The following NMBR variants were observed in gnomAD, a reference collection of about 807,000 sequenced individuals.
NMBR encodes neuromedin B receptor.
NMBR carries 16 observed loss-of-function variants against 20.5 expected under a neutral mutation model. The ratio of observed to expected loss-of-function variants is 0.78; its 90% CI spans 0.53 to 1.19. The LOEUF is 1.19. NMBR is among the 50% of genes most tolerant of loss of function. The pLI, the probability that NMBR is intolerant of heterozygous loss-of-function variation, is 0.00. For synonymous variants in NMBR, 212 were observed against 196.6 expected (o/e 1.08, Z -0.65); for missense variants, 582 against 499.1 (o/e 1.17, Z -1.58).
chr6:142,133,019 G>C, intron 1 of NMBR: 1 of 481,282 alleles, frequency 2.1e-6, no homozygotes, highest in African/African-American at 1.9e-5. Context: ...AAAGGAGGAG[G>C]GGAGAGAAAT....
At chr6:142,098,663 TG>T (rs1248461504) in intron 1 of NMBR, among the ~76,000 whole-genome samples, 1 of 152,112 alleles carries the variant, frequency 6.6e-6, no homozygotes, top group Admixed American at 6.6e-5. Context: ...TGAAGAAAAT[TG>T]GAGAACTAAA....
rs1777014479 is a variant in NMBR, at chr6:142,078,815, A to G, written c.511T>C (p.Ser171Pro). ...GCTTCGGGAACTGCCAGCAACACGG[A>G]GACCACCCAGATACCCATGGCCTTC... ...CVKAMGIWVV[S>P]VLLAVPEAVF... The change falls in exon 3 of 4, where the codon TCC (serine) becomes CCC (proline). Residue 171 changes from serine to proline, a missense_variant. Coordinates refer to ENST00000258042, the MANE Select transcript of NMBR (RefSeq NM_002511.4). 2.5e-6 allele frequency: 4 copies of G among 1,613,712 alleles called. No individual in the cohort carries two copies. Among genetic ancestry groups the G allele is most frequent in the Non-Finnish European group, 3.4e-6 (4 of 1,179,970 alleles).
chr6:142,117,442 A>G lies in NMBR; in HGVS notation c.-663-28121T>C, dbSNP rs117951958. On this transcript the variant is annotated intron_variant, in intron 1 of 3. Transcript: ENST00000258042. ...AATAATGGACATTAAATTTTCTTATAAAAGGGAGCAAAGGTGTCTTATAAA... is the reference window on the plus strand; with the variant it reads ...AATAATGGACATTAAATTTTCTTATGAAAGGGAGCAAAGGTGTCTTATAAA... Among the ~76,000 whole-genome samples the G allele has an allele frequency of 9.5e-3, 1,447 of 152,052 alleles. 10 individuals carry two copies. Among genetic ancestry groups the G allele is most frequent in the Non-Finnish European group, 0.016 (1,072 of 67,888 alleles).
intron 2 of NMBR, among the ~76,000 whole-genome samples, chr6:142,084,799 C>A (rs1777168984): frequency 6.6e-6 from 1 of 152,154 alleles, no homozygotes. Flanking sequence ...AAAGAGATAA[C>A]TATAACGCCA....
At chr6:142,091,948 C>G (rs78896667) in intron 1 of NMBR, among the ~76,000 whole-genome samples, 2 of 151,990 alleles carry the variant, frequency 1.3e-5, no homozygotes, top group East Asian at 1.9e-4. Flanking sequence ...AAATTTAAAC[C>G]AATTTTGTAA....
At chr6:142,123,575 T>C (rs1777982495) in intron 1 of NMBR, among the ~76,000 whole-genome samples, 1 of 152,058 alleles carries the variant, frequency 6.6e-6, no homozygotes, top group East Asian at 1.9e-4. Context: ...GTGGCTGACT[T>C]CATTGTCTTA....
intron 2 of NMBR, among the ~76,000 whole-genome samples, chr6:142,084,943 C>T (rs536476626): frequency 6.6e-6 from 1 of 152,180 alleles, no homozygotes; most frequent in Non-Finnish European, 1.5e-5. Flanking sequence ...GTGTTAGAAA[C>T]ATGACAGAAT....
chr6:142,074,980 T>C lies in NMBR; in HGVS notation c.*668A>G. Among the ~76,000 whole-genome samples, 3 of 152,248 alleles carry C rather than the reference T, an allele frequency of 2.0e-5. No individual in the cohort carries two copies. In the South Asian group the frequency reaches 6.2e-4, roughly 32 times the overall value. On this transcript the variant is annotated 3_prime_UTR_variant, in exon 4 of 4. Coordinates refer to ENST00000258042, the MANE Select transcript of NMBR (RefSeq NM_002511.4). Reference sequence around the variant, plus strand: ...TAGAATTACAGATATGAATTATTTCTATAAATTATGATTAATCACAGAATC... The same window carrying C: ...TAGAATTACAGATATGAATTATTTCCATAAATTATGATTAATCACAGAATC...
rs747389224 is a variant in NMBR, at chr6:142,079,086, AAG to A, written c.423-185_423-184del. On this transcript the variant is annotated intron_variant, in intron 2 of 3. Coordinates refer to ENST00000258042, the MANE Select transcript of NMBR (RefSeq NM_002511.4). ...AGAGAGAGAAAGAGAGAAAGAAAGA[AAG>A]AGAGAAAGAGAGAGAGAGAAAGAAA... Among the ~76,000 whole-genome samples, 116 of 112,730 alleles carry A rather than the reference AAG, an allele frequency of 1.0e-3. 1 individual carries two copies. The highest frequency in any genetic ancestry group is 1.6e-3 in the Non-Finnish European group (93 of 57,966). 74.0% of individuals were successfully genotyped at this position (112,730 alleles called of 152,430 possible).
chr6:142,079,000 G>A (rs1777022793), intron 2 of NMBR, 97 bp from the exon 3 acceptor site: 2 of 761,370 alleles, frequency 2.6e-6, no homozygotes, highest in Non-Finnish European at 4.0e-6. Flanking sequence ...AAGGGAGAGA[G>A]AGAGAAAGGA....
intron 2 of NMBR, among the ~76,000 whole-genome samples, chr6:142,083,627 TAGTG>T (rs551519665): frequency 4.1e-4 from 63 of 152,214 alleles, no homozygotes; most frequent in African/African-American, 1.5e-3. Flanking sequence ...GTTCTCATGG[TAGTG>T]AGTGAGTTCT....
At chr6:142,096,674 T>G (rs1022667739) in intron 1 of NMBR, among the ~76,000 whole-genome samples, 54 of 151,892 alleles carry the variant, frequency 3.6e-4, no homozygotes, top group African/African-American at 4.8e-4. Context: ...GAGTTCTGTA[T>G]ATGTCTATTA....
chr6:142,141,622 A>T (rs1387604020), intron 1 of NMBR, among the ~76,000 whole-genome samples: 3 of 150,856 alleles, frequency 2.0e-5, no homozygotes. Context: ...CTCCTGCCTC[A>T]GCCTCCCGAA....
At chr6:142,108,498 G>C (rs1462113553) in intron 1 of NMBR, among the ~76,000 whole-genome samples, 2 of 152,114 alleles carry the variant, frequency 1.3e-5, no homozygotes, top group East Asian at 3.9e-4. Context: ...ACAATCATGA[G>C]AGAAAAGGAA....
chr6:142,144,911 T>C (rs987260615), intron 1 of NMBR, among the ~76,000 whole-genome samples: 1 of 151,378 alleles, frequency 6.6e-6, no homozygotes. Flanking sequence ...GTGGTCCCAG[T>C]TACTCAGGAG....
At chr6:142,141,124 G>A (rs754361716) in intron 1 of NMBR, among the ~76,000 whole-genome samples, 10 of 152,280 alleles carry the variant, frequency 6.6e-5, no homozygotes, top group Non-Finnish European at 1.0e-4. Flanking sequence ...CAACAGAACA[G>A]ATGTTCTTTT....
chr6:142,086,621 C>T (rs1293763161), intron 2 of NMBR, among the ~76,000 whole-genome samples: 1 of 152,054 alleles, frequency 6.6e-6, no homozygotes, highest in African/African-American at 2.4e-5. Context: ...GGCATCTCAC[C>T]TTTCCTTATT....
At chr6:142,103,721 T>C (rs1249280840) in intron 1 of NMBR, among the ~76,000 whole-genome samples, 1 of 152,090 alleles carries the variant, frequency 6.6e-6, no homozygotes, top group Admixed American at 6.6e-5. Flanking sequence ...CACCATGGAG[T>C]TTATTCAAAT....
chr6:142,133,115 C>A, intron 1 of NMBR: 1 of 637,564 alleles, frequency 1.6e-6, no homozygotes. Context: ...CAATGTGGGT[C>A]AAGAATTAAC....
Sources: gnomAD v4.1 joint callset for allele counts (sites outside exome capture counted in the v4.1 genomes callset) on GRCh38, gnomAD v4.1.1 for gene constraint, MANE v1.5 for transcripts, NCBI Gene and HGNC (gene_info 2026-07-23, HGNC 2026-07-21) for gene names.